The following PBRM1 variants were observed in gnomAD, a reference collection of about 807,000 sequenced individuals.
The protein encoded by PBRM1 is polybromo 1, also known as protein polybromo-1.
PBRM1 carries 27 observed loss-of-function variants against 194.5 expected under a neutral mutation model. The observed-to-expected ratio is 0.14, with a 90% CI of 0.10 to 0.19. The LOEUF (loss-of-function observed/expected upper bound fraction) is 0.19, where lower values mean the gene tolerates loss of function less well. PBRM1 is among the 10% of genes least tolerant of loss of function. The probability of loss-of-function intolerance (pLI) is 1.00; values close to 1 mark genes in which losing one functional copy is unlikely to be tolerated. For missense variants in PBRM1, 1,466 were observed against 2,077.2 expected (o/e 0.71, Z 5.72); for synonymous variants, 655 against 693.2 (o/e 0.94, Z 0.87).
At chr3:52,625,627 T>G (rs1012072321) in intron 13 of PBRM1, among the ~76,000 whole-genome samples, 14 of 150,544 alleles carry the variant, frequency 9.3e-5, no homozygotes, top group African/African-American at 3.4e-4. Context: ...CAGGCTGGAG[T>G]GCAATGGTAC....
chr3:52,561,790 G>T, exon 25 of PBRM1: 1 of 1,614,082 alleles, frequency 6.2e-7, no homozygotes, highest in Non-Finnish European at 8.5e-7. Context: ...TTTCTTGGCT[G>T]TCTCAAGATT....
At chr3:52,547,608 C>G (rs1252130913), downstream of PBRM1, 2 of 233,560 alleles carry the variant, frequency 8.6e-6, no homozygotes, top group African/African-American at 4.4e-5. Flanking sequence ...CTAGGACAAA[C>G]TTCACATTTC....
intron 14 of PBRM1, among the ~76,000 whole-genome samples, chr3:52,616,206 G>A (rs2094942875): frequency 6.6e-6 from 1 of 152,144 alleles, no homozygotes; most frequent in Admixed American, 6.5e-5. Flanking sequence ...CCTTAAGATA[G>A]AACCATTTTT....
chr3:52,598,894 C>T (rs1409423034), intron 17 of PBRM1, among the ~76,000 whole-genome samples: 4 of 151,928 alleles, frequency 2.6e-5, no homozygotes, highest in Admixed American at 6.6e-5. Flanking sequence ...TGGTGGCGCA[C>T]GCCTGTAATC....
intron 16 of PBRM1, among the ~76,000 whole-genome samples, chr3:52,604,066 T>C (rs1336154065): frequency 6.6e-6 from 1 of 152,212 alleles, no homozygotes; most frequent in Admixed American, 6.5e-5. Flanking sequence ...CCAAGAATTG[T>C]ACCAAGGCTC....
chr3:52,676,161 G>GAAAAA (rs2097100697), intron 2 of PBRM1, among the ~76,000 whole-genome samples: 1 of 131,708 alleles, frequency 7.6e-6, no homozygotes, highest in African/African-American at 2.9e-5. Context: ...AATAATGAAT[G>GAAAAA]AAGCGGGATC....
intron 9 of PBRM1, among the ~76,000 whole-genome samples, chr3:52,643,037 A>C (rs567210154): frequency 6.6e-6 from 1 of 152,230 alleles, no homozygotes; most frequent in East Asian, 1.9e-4. Flanking sequence ...ATTCACCCGT[A>C]TCAGCCTCCC....
chr3:52,680,597 T>C (rs906751061), upstream of PBRM1, among the ~76,000 whole-genome samples: 2 of 152,236 alleles, frequency 1.3e-5, no homozygotes, highest in African/African-American at 4.8e-5. Flanking sequence ...AATGCTTATA[T>C]TGCAATACAA....
intron 20 of PBRM1, among the ~76,000 whole-genome samples, chr3:52,581,395 AG>A (rs1248014289): frequency 1.3e-5 from 2 of 152,016 alleles, no homozygotes; most frequent in Non-Finnish European, 2.9e-5. Context: ...CTGTAGTCCC[AG>A]GAACTTGGGA....
At chr3:52,598,990 C>A (rs1409895554) in intron 17 of PBRM1, among the ~76,000 whole-genome samples, 1 of 148,840 alleles carries the variant, frequency 6.7e-6, no homozygotes, top group Non-Finnish European at 1.5e-5. Flanking sequence ...CCACTGCACT[C>A]CAGCCTCAGC....
At chr3:52,637,262 T>C (rs749921270) in intron 10 of PBRM1, among the ~76,000 whole-genome samples, 2 of 152,204 alleles carry the variant, frequency 1.3e-5, no homozygotes, top group African/African-American at 4.8e-5. Context: ...TGGCTAGTAC[T>C]GTGACCAACA....
Position 52,610,706 on chromosome 3 carries a change from A to C in PBRM1, c.1925-751T>G, listed in dbSNP as rs567793813. Among the ~76,000 whole-genome samples, 10 of 152,348 alleles carry C rather than the reference A, an allele frequency of 6.6e-5. No homozygotes were observed. In the South Asian group the frequency reaches 1.9e-3, roughly 28 times the overall value. On this transcript the variant is annotated intron_variant, in intron 15 of 29. Coordinates refer to ENST00000296302, the Ensembl canonical transcript of PBRM1. ...GTAATCCCAACACTTTGGGAGGCCA[A>C]GGTGGGTGGATCACCTGAGGTCAGG...
intron 10 of PBRM1, among the ~76,000 whole-genome samples, chr3:52,641,564 A>G (rs1175677809): frequency 1.3e-5 from 2 of 152,104 alleles, no homozygotes; most frequent in Non-Finnish European, 1.5e-5. Flanking sequence ...GGAAAATATT[A>G]TATCAAACTT....
chr3:52,559,890 T>C (rs1223902227), intron 25 of PBRM1, among the ~76,000 whole-genome samples: 1 of 149,614 alleles, frequency 6.7e-6, no homozygotes, highest in African/African-American at 2.5e-5. Flanking sequence ...CTTCAAATTC[T>C]AGTATTTTCA....
intron 7 of PBRM1, among the ~76,000 whole-genome samples, chr3:52,646,448 C>T (rs1284377930): frequency 6.6e-6 from 1 of 152,160 alleles, no homozygotes; most frequent in Non-Finnish European, 1.5e-5. Context: ...CTGCACTACA[C>T]AGATTGCTTT....
At chr3:52,568,947 A>C (rs1303280277) in intron 22 of PBRM1, among the ~76,000 whole-genome samples, 1 of 151,950 alleles carries the variant, frequency 6.6e-6, no homozygotes, top group Non-Finnish European at 1.5e-5. Flanking sequence ...TGCAGTGGTG[A>C]GATGACAGCT....
At position 52,655,459 on chromosome 3, in the gene PBRM1, A is replaced by G. The variant is rs535867430; in HGVS notation, c.645+2740T>C. ...CACTGTATGTATATGTCACATATAC[A>G]TTCATTCACTGATGGACACCTGAGT... On this transcript the variant is annotated intron_variant, in intron 5 of 29. Transcript: ENST00000296302. Among the ~76,000 whole-genome samples, 6 of 152,322 alleles carry G rather than the reference A, an allele frequency of 3.9e-5. No homozygotes were observed. In the East Asian group the frequency reaches 1.2e-3, roughly 29 times the overall value.
At chr3:52,561,675 G>A in intron 25 of PBRM1, 92 bp downstream of exon 27, 1 of 1,082,800 alleles carries the variant, frequency 9.2e-7, no homozygotes, top group Non-Finnish European at 1.4e-6. Context: ...TCATGTGCAA[G>A]TGGTAAGAAC....
intron 20 of PBRM1, chr3:52,585,635 T>G (rs1269360199): frequency 6.6e-6 from 1 of 152,542 alleles, no homozygotes; most frequent in African/African-American, 2.4e-5. Flanking sequence ...TTCAAGCGAT[T>G]CTCCTGCCTC....
Sources: allele counts gnomAD v4.1 joint callset (sites outside exome capture counted in the v4.1 genomes callset), GRCh38; gene constraint gnomAD v4.1.1; transcripts MANE v1.5; gene names NCBI Gene and HGNC (gene_info 2026-07-23, HGNC 2026-07-21).